The following ZFAND3 variants were observed in gnomAD, a reference collection of about 807,000 sequenced individuals.
ZFAND3 encodes zinc finger AN1-type containing 3.
Under a neutral mutation model 29.6 loss-of-function variants are expected in ZFAND3, and 10 were observed. The ratio of observed to expected loss-of-function variants is 0.34; its 90% CI spans 0.21 to 0.57. ZFAND3 has a LOEUF of 0.57. Ranked by LOEUF, ZFAND3 falls within the 20% of genes least tolerant of loss-of-function variation. The pLI is 0.86. For missense variants in ZFAND3, 230 were observed against 304.5 expected (o/e 0.76, Z 1.82); for synonymous variants, 128 against 112.6 (o/e 1.14, Z -0.87).
chr6:38,041,631 T>TTTCTTCTTCTTCTTCTTCTTCTTCCTC (rs1763765681), intron 2 of ZFAND3, among the ~76,000 whole-genome samples: 1 of 56,196 alleles, frequency 1.8e-5, no homozygotes, highest in Non-Finnish European at 4.6e-5. Flanking sequence ...TTATCTACTT[T>TTTCTTCTTCTTCTTCTTCTTCTTCCTC]TTCTTCTTCT....
chr6:38,001,039 C>A (rs562349052), intron 2 of ZFAND3, among the ~76,000 whole-genome samples: 4 of 152,276 alleles, frequency 2.6e-5, no homozygotes, highest in Admixed American at 6.5e-5. Context: ...TCGCTCTAAT[C>A]ACACTTGAAG....
intron 2 of ZFAND3, among the ~76,000 whole-genome samples, chr6:37,943,885 C>T (rs1019105080): frequency 6.6e-6 from 1 of 152,176 alleles, no homozygotes; most frequent in Non-Finnish European, 1.5e-5. Flanking sequence ...TTGCATACTT[C>T]AACCTCAGTT....
chr6:38,064,588 CTGTCAT>C (rs1561986090), intron 3 of ZFAND3, among the ~76,000 whole-genome samples: 1 of 151,522 alleles, frequency 6.6e-6, no homozygotes, highest in Non-Finnish European at 1.5e-5. Context: ...CTTTCTCTCC[CTGTCAT>C]TAAGATATGT....
At chr6:37,953,439 ATC>A (rs1762033032) in intron 2 of ZFAND3, among the ~76,000 whole-genome samples, 1 of 79,602 alleles carries the variant, frequency 1.3e-5, no homozygotes, top group Non-Finnish European at 2.5e-5. Flanking sequence ...TTGCATAATT[ATC>A]TTTTTTTTTT....
At chr6:37,952,027 A>G (rs1300814039) in intron 2 of ZFAND3, among the ~76,000 whole-genome samples, 1 of 152,166 alleles carries the variant, frequency 6.6e-6, no homozygotes, top group Non-Finnish European at 1.5e-5. Flanking sequence ...GTATGTTGAA[A>G]CAACCTTGCA....
chr6:37,865,085 C>T (rs916646863), intron 1 of ZFAND3, among the ~76,000 whole-genome samples: 4 of 151,962 alleles, frequency 2.6e-5, no homozygotes, highest in Non-Finnish European at 4.4e-5. Flanking sequence ...GGCTGAGGCA[C>T]GAGAATTGCT....
At position 37,949,978 on chromosome 6, in the gene ZFAND3, A is replaced by G. The variant is rs571807321; in HGVS notation, c.112+19979A>G. Among the ~76,000 whole-genome samples the G allele has an allele frequency of 3.8e-4, 58 of 152,342 alleles. 1 individual carries two copies. Among genetic ancestry groups the G allele is most frequent in the African/African-American group, 1.3e-3 (55 of 41,578 alleles). Reference sequence around the variant, plus strand: ...TCATGGGAGGGTATTAAGACCCACAATCAGAAAAGGTAGGGGAACATGAGA... The same window carrying G: ...TCATGGGAGGGTATTAAGACCCACAGTCAGAAAAGGTAGGGGAACATGAGA... On this transcript the variant is annotated intron_variant, in intron 2 of 5. Coordinates refer to ENST00000287218, the MANE Select transcript of ZFAND3 (RefSeq NM_021943.3).
At chr6:37,972,666 T>C (rs1473912775) in intron 2 of ZFAND3, among the ~76,000 whole-genome samples, 1 of 152,154 alleles carries the variant, frequency 6.6e-6, no homozygotes, top group African/African-American at 2.4e-5. Context: ...TTATGCCCTC[T>C]CTTCCCTTTG....
intron 2 of ZFAND3, among the ~76,000 whole-genome samples, chr6:38,008,721 A>G (rs1048248758): frequency 2.0e-5 from 3 of 151,404 alleles, no homozygotes; most frequent in East Asian, 1.9e-4. Flanking sequence ...CCTGTTCCCT[A>G]TCCTTACGCA....
chr6:37,852,090 A>C lies in ZFAND3; in HGVS notation c.71+32074A>C, dbSNP rs138433284. On this transcript the variant is annotated intron_variant, in intron 1 of 5. Transcript: ENST00000287218. The stretch of plus-strand genomic sequence containing the variant: ...TGCTTTTGGGCTTAGTTTATATTCT[A>C]GCTGTAACAAAACCCAAACTAGGCT... Among the ~76,000 whole-genome samples, 27 of 152,320 alleles carry C rather than the reference A, an allele frequency of 1.8e-4. No individual in the cohort carries two copies. In the East Asian group the frequency reaches 4.6e-3, roughly 26 times the overall value.
At chr6:37,985,956 C>T (rs1170987309) in intron 2 of ZFAND3, among the ~76,000 whole-genome samples, 2 of 152,186 alleles carry the variant, frequency 1.3e-5, no homozygotes, top group Non-Finnish European at 2.9e-5. Context: ...CAAGCACCTC[C>T]TGTGCTAAAA....
intron 2 of ZFAND3, among the ~76,000 whole-genome samples, chr6:38,023,103 T>A (rs1763381000): frequency 6.6e-6 from 1 of 152,234 alleles, no homozygotes; most frequent in Admixed American, 6.5e-5. Context: ...AAAAAGCGTT[T>A]GGTAATACCT....
Position 38,005,201 on chromosome 6 carries a change from A to T in ZFAND3, c.113-56392A>T, listed in dbSNP as rs1440487108. On this transcript the variant is annotated intron_variant, in intron 2 of 5. Coordinates refer to ENST00000287218, the MANE Select transcript of ZFAND3 (RefSeq NM_021943.3). ...ATTTCAAACCCCAGGAGCTCCACAT[A>T]TGATGGTTTTATATTGGGCTCTGTT... 2.0e-5 allele frequency among the ~76,000 whole-genome samples: 3 copies of T among 152,170 alleles called. No homozygotes were observed. In the East Asian group the frequency reaches 5.8e-4, roughly 29 times the overall value.
At chr6:37,964,235 A>T (rs1160053446) in intron 2 of ZFAND3, among the ~76,000 whole-genome samples, 1 of 152,216 alleles carries the variant, frequency 6.6e-6, no homozygotes, top group Non-Finnish European at 1.5e-5. Flanking sequence ...TCTGATGCCT[A>T]GCTGTTACAG....
intron 1 of ZFAND3, among the ~76,000 whole-genome samples, chr6:37,829,923 A>G (rs1441888321): frequency 1.3e-5 from 2 of 152,198 alleles, no homozygotes; most frequent in African/African-American, 4.8e-5. Flanking sequence ...GTATAGTAGG[A>G]TCTCTTTAGG....
At chr6:37,885,243 A>G (rs1044163453) in intron 1 of ZFAND3, among the ~76,000 whole-genome samples, 1 of 152,214 alleles carries the variant, frequency 6.6e-6, no homozygotes, top group African/African-American at 2.4e-5. Flanking sequence ...GTCTCTATTG[A>G]GGTGACTATA....
intron 3 of ZFAND3, among the ~76,000 whole-genome samples, chr6:38,063,972 A>G (rs569690835): frequency 3.9e-5 from 6 of 152,248 alleles, no homozygotes; most frequent in Admixed American, 2.0e-4. Context: ...AAACGGTGAA[A>G]ATGGTAGTGG....
At chr6:38,018,839 A>T (rs1159949592) in intron 2 of ZFAND3, among the ~76,000 whole-genome samples, 1 of 152,196 alleles carries the variant, frequency 6.6e-6, no homozygotes, top group Non-Finnish European at 1.5e-5. Context: ...GTGTATGTGC[A>T]CTTTTCATTT....
chr6:38,135,732 A>G (rs1449303698), intron 5 of ZFAND3, among the ~76,000 whole-genome samples: 10 of 152,038 alleles, frequency 6.6e-5, no homozygotes, highest in African/African-American at 2.4e-4. Flanking sequence ...GCAACAGAGC[A>G]AGACTCCATC....
Sources: gnomAD v4.1 joint callset for allele counts (sites outside exome capture counted in the v4.1 genomes callset) on GRCh38, gnomAD v4.1.1 for gene constraint, MANE v1.5 for transcripts, NCBI Gene and HGNC (gene_info 2026-07-23, HGNC 2026-07-21) for gene names.